TG: variants seen among roughly 807,000 people sequenced by gnomAD.
TG encodes the protein thyroglobulin.
TG carries 270 observed loss-of-function variants against 324.7 expected under a neutral mutation model. The observed-to-expected ratio is 0.83, with a 90% CI of 0.75 to 0.92. The LOEUF (loss-of-function observed/expected upper bound fraction) is 0.92, where lower values mean the gene tolerates loss of function less well. Among genes scored for constraint, TG ranks in the 40% least tolerant of loss-of-function variants. TG has a pLI of 0.00. For synonymous variants in TG, 1,401 were observed against 1,327.0 expected, an observed-to-expected ratio of 1.06 and a Z score of -1.21; for missense variants, 3,591 against 3,456.4, an observed-to-expected ratio of 1.04 and a Z score of -0.98.
At chr8:133,006,952 G>A (rs1036145944) in intron 35 of TG, among the ~76,000 whole-genome samples, 1 of 152,104 alleles carries the variant, frequency 6.6e-6, no homozygotes, top group African/African-American at 2.4e-5. Context: ...CAGAAAACCT[G>A]GCACGTTTTA....
chr8:133,030,483 A>G (rs1190356076), intron 41 of TG, among the ~76,000 whole-genome samples: 1 of 152,226 alleles, frequency 6.6e-6, no homozygotes, highest in Non-Finnish European at 1.5e-5. Flanking sequence ...GATAATGACA[A>G]TAATTATGAT....
At chr8:133,047,899 C>T (rs1336806946) in intron 41 of TG, 35 of 1,612,380 alleles carry the variant, frequency 2.2e-5, no homozygotes, top group Non-Finnish European at 2.9e-5. Flanking sequence ...AGCAGCTCCT[C>T]GGCCTTGTCT....
Position 132,913,068 on chromosome 8 carries a change from A to G in TG, c.4181A>G (p.Asp1394Gly). Reference protein sequence around the residue: ...HDIERALVGKDLLGRFTDLIQ... With the variant: ...HDIERALVGKGLLGRFTDLIQ... ...ACAGAGAGAGCCTTGGTGGGCAAGGATCTCCTTGGGCGCTTCACAGATCTG... is the reference window on the plus strand; with the variant it reads ...ACAGAGAGAGCCTTGGTGGGCAAGGGTCTCCTTGGGCGCTTCACAGATCTG... The change falls in exon 20 of 48, where the codon GAT (aspartate) becomes GGT (glycine). Residue 1394 changes from aspartate (D) to glycine (G), a missense_variant. Asp to Gly is a moderately conservative substitution (Grantham distance 94). Coordinates refer to ENST00000220616, the MANE Select transcript of TG (RefSeq NM_003235.5). 6.2e-7 allele frequency: 1 copy of G among 1,614,118 alleles called. No homozygotes were observed. The highest frequency in any genetic ancestry group is 8.5e-7 in the Non-Finnish European group (1 of 1,180,026).
At chr8:133,009,421 C>G (rs1834301540) in intron 35 of TG, among the ~76,000 whole-genome samples, 1 of 152,178 alleles carries the variant, frequency 6.6e-6, no homozygotes, top group African/African-American at 2.4e-5. Context: ...ATGGCACCCA[C>G]TGCTCCAGGA....
intron 41 of TG, among the ~76,000 whole-genome samples, chr8:133,088,711 A>T (rs1847006954): frequency 6.6e-6 from 1 of 152,184 alleles, no homozygotes; most frequent in Non-Finnish European, 1.5e-5. Context: ...TACATTTCAG[A>T]TTGTCTCCTA....
chr8:132,867,776 G>A (rs1477722122), intron 1 of TG, among the ~76,000 whole-genome samples: 1 of 150,560 alleles, frequency 6.6e-6, no homozygotes, highest in African/African-American at 2.4e-5. Flanking sequence ...GGGAATTGCG[G>A]CAGGGTGGGG....
rs191758489 is a variant in TG, at chr8:132,978,232, G to A, written c.6200-5118G>A. Among the ~76,000 whole-genome samples, 112 of 152,356 alleles carry A rather than the reference G, an allele frequency of 7.4e-4. 1 individual carries two copies. The highest frequency in any genetic ancestry group is 5.0e-4 in the Non-Finnish European group (34 of 68,032). ...ACATGATGACAGTGAGAGAAAGAGA[G>A]AGGGAACAAGAGAGGAGGTGCCAGT... is the stretch of plus-strand genomic sequence containing the variant. On this transcript the variant is annotated intron_variant, in intron 34 of 47. Coordinates refer to ENST00000220616, the MANE Select transcript of TG (RefSeq NM_003235.5).
At chr8:133,096,147 A>T in intron 42 of TG, 59 bp from the exon 43 acceptor site, 2 of 1,596,556 alleles carry the variant, frequency 1.3e-6, no homozygotes, top group Non-Finnish European at 1.7e-6. Context: ...AGACCTCTTT[A>T]TGCAAAGCAG....
intron 41 of TG, among the ~76,000 whole-genome samples, chr8:133,033,428 AG>A (rs1047085790): frequency 1.3e-5 from 2 of 152,180 alleles, no homozygotes; most frequent in African/African-American, 4.8e-5. Context: ...CAGACAGGGA[AG>A]GTCATGTCCT....
chr8:133,108,147 A>C (rs1214853097), intron 43 of TG, among the ~76,000 whole-genome samples: 1 of 141,600 alleles, frequency 7.1e-6, no homozygotes, highest in Admixed American at 7.0e-5. Flanking sequence ...ACACCTGGCT[A>C]TTTTTTTTTT....
chr8:132,870,245 A>G (rs570882534), intron 3 of TG, among the ~76,000 whole-genome samples: 1 of 152,000 alleles, frequency 6.6e-6, no homozygotes, highest in Non-Finnish European at 1.5e-5. Context: ...CCCTATTTAA[A>G]GCATGTCATA....
intron 35 of TG, among the ~76,000 whole-genome samples, chr8:132,993,275 A>G (rs1390867346): frequency 6.6e-6 from 1 of 152,228 alleles, no homozygotes; most frequent in African/African-American, 2.4e-5. Flanking sequence ...TGAAAAACGA[A>G]TGAATGGAGA....
At chr8:132,894,667 G>A (rs145639684) in intron 11 of TG, among the ~76,000 whole-genome samples, 21 of 152,248 alleles carry the variant, frequency 1.4e-4, no homozygotes, top group African/African-American at 4.8e-4. Context: ...CACCATGTTG[G>A]CCAGGCTGGT....
chr8:133,081,100 A>G (rs1407063466), intron 41 of TG, among the ~76,000 whole-genome samples: 1 of 152,264 alleles, frequency 6.6e-6, no homozygotes, highest in Non-Finnish European at 1.5e-5. Flanking sequence ...ATGAGGGTCC[A>G]TACATAATAA....
intron 34 of TG, 108 bp downstream of exon 34, chr8:132,972,849 T>G (rs1275206019): frequency 7.0e-7 from 1 of 1,429,524 alleles, no homozygotes; most frequent in Non-Finnish European, 9.8e-7. Flanking sequence ...TGAAGACTCA[T>G]TGGGTTCAAG....
At chr8:133,109,086 G>A in intron 43 of TG, among the ~76,000 whole-genome samples, 1 of 152,214 alleles carries the variant, frequency 6.6e-6, no homozygotes, top group East Asian at 1.9e-4. Context: ...GAACTACAAG[G>A]TAGTTCTGCC....
At chr8:133,094,720 T>A (rs755314654) in intron 41 of TG, 32 of 405,576 alleles carry the variant, frequency 7.9e-5, no homozygotes, top group Non-Finnish European at 1.0e-4. Context: ...TGCCACAATC[T>A]CCGATCCTCT....
chr8:133,133,834 GCCTCCTGTT>G (rs1198042385), intron 47 of TG, among the ~76,000 whole-genome samples, 174 bp downstream of exon 47: 1 of 152,230 alleles, frequency 6.6e-6, no homozygotes, highest in Non-Finnish European at 1.5e-5. Flanking sequence ...GTTGCCAAGG[GCCTCCTGTT>G]CTGATGTAGG....
intron 43 of TG, among the ~76,000 whole-genome samples, chr8:133,111,116 G>A (rs973683177): frequency 2.0e-5 from 3 of 152,160 alleles, no homozygotes; most frequent in Non-Finnish European, 4.4e-5. Context: ...TCACTGCTCT[G>A]GGCCAGGCAC....
Sources: allele counts gnomAD v4.1 joint callset (sites outside exome capture counted in the v4.1 genomes callset), GRCh38; gene constraint gnomAD v4.1.1; transcripts MANE v1.5; gene names NCBI Gene and HGNC (gene_info 2026-07-23, HGNC 2026-07-21).